The following CPNE5 variants were observed in gnomAD, a reference collection of about 807,000 sequenced individuals.
CPNE5 encodes copine-5.
CPNE5 carries 42 observed loss-of-function variants against 81.1 expected under a neutral mutation model. The ratio of observed to expected loss-of-function variants is 0.52; its 90% CI spans 0.40 to 0.67. CPNE5 has a LOEUF of 0.67. CPNE5 is among the 30% of genes least tolerant of loss of function. The probability of loss-of-function intolerance (pLI) is 0.00; values close to 1 mark genes in which losing one functional copy is unlikely to be tolerated. For missense variants in CPNE5, 612 were observed against 815.5 expected (o/e 0.75, Z 3.04); for synonymous variants, 313 against 321.5 (o/e 0.97, Z 0.28).
At chr6:36,762,729 A>G (rs1766169580) in intron 12 of CPNE5, among the ~76,000 whole-genome samples, 188 bp downstream of exon 12, 1 of 152,152 alleles carries the variant, frequency 6.6e-6, no homozygotes, top group Admixed American at 6.5e-5. Context: ...CCACTTACTG[A>G]ATGGTGGAAC....
At chr6:36,824,579 C>T (rs1455057816) in intron 1 of CPNE5, among the ~76,000 whole-genome samples, 2 of 152,230 alleles carry the variant, frequency 1.3e-5, no homozygotes, top group Non-Finnish European at 2.9e-5. Context: ...GGGGCCTCTG[C>T]CCCTTGAACT....
chr6:36,826,150 G>A (rs188025534), intron 1 of CPNE5, among the ~76,000 whole-genome samples: 31 of 152,272 alleles, frequency 2.0e-4, no homozygotes, highest in African/African-American at 7.2e-4. Flanking sequence ...GTGTGTTTGC[G>A]TGTGTGCATG....
At chr6:36,744,153 C>G in intron 19 of CPNE5, 115 bp downstream of exon 19, 1 of 888,888 alleles carries the variant, frequency 1.1e-6, no homozygotes. Context: ...GGAGCTCTCA[C>G]TCTTTTGGGA....
In CPNE5 at chr6:36,777,395, A is replaced by G. The variant is rs189792631; in HGVS notation, c.632+1459T>C. The stretch of plus-strand genomic sequence containing the variant: ...TCCTACACAGCGCTCTGCTAGAGCA[A>G]TCTTTCCCAAGCACCCTTTGCAGTG... On this transcript the variant is annotated intron_variant, in intron 9 of 20. Transcript: ENST00000244751. 3.2e-4 allele frequency among the ~76,000 whole-genome samples: 49 copies of G among 151,980 alleles called. No homozygotes were observed. In the East Asian group the frequency reaches 8.8e-3, roughly 27 times the overall value.
intron 10 of CPNE5, among the ~76,000 whole-genome samples, chr6:36,765,765 C>G (rs761692886): frequency 1.3e-5 from 2 of 151,724 alleles, no homozygotes; most frequent in Non-Finnish European, 2.9e-5. Context: ...GATCTCAGGC[C>G]CCGGCAGGGT....
rs3842097 is a variant in CPNE5, at chr6:36,822,164, C to CG, written c.137-5dup. 372,103 of 1,498,624 alleles carry CG rather than the reference C, an allele frequency of 0.25. 48,900 individuals carry two copies. Among genetic ancestry groups the CG allele is most frequent in the East Asian group, 0.27 (10,912 of 39,762 alleles). The allele number at this position is 1,498,624 out of a possible 1,614,324, so 92.8% of individuals were successfully genotyped here. A position where few individuals can be genotyped will look rare whatever the true frequency, so the allele number is the denominator to read the frequency against. On this transcript the variant is annotated splice_region_variant and splice_polypyrimidine_tract_variant and intron_variant, in intron 2 of 20. Coordinates refer to ENST00000244751, the MANE Select transcript of CPNE5 (RefSeq NM_020939.2). ...CCTTGGGTATACATGACGCACACTG[C>CG]GGGGGGAGGAGAAACAGTGGATTAA... is the stretch of plus-strand genomic sequence containing the variant.
At chr6:36,822,785 A>C (rs1468818524) in intron 2 of CPNE5, among the ~76,000 whole-genome samples, 1 of 152,152 alleles carries the variant, frequency 6.6e-6, no homozygotes. Flanking sequence ...TCTTAGGCCT[A>C]CTGGTTTCTC....
At chr6:36,822,539 G>A (rs983847852) in intron 2 of CPNE5, among the ~76,000 whole-genome samples, 3 of 152,180 alleles carry the variant, frequency 2.0e-5, no homozygotes, top group Non-Finnish European at 4.4e-5. Flanking sequence ...TGGGTGTGAT[G>A]GACGACAAGC....
chr6:36,742,168 C>G lies in CPNE5; in HGVS notation c.*100G>C. 1.1e-6 allele frequency: 1 copy of G among 900,686 alleles called. No individual in the cohort carries two copies. The highest frequency in any genetic ancestry group is 1.7e-5 in the African/African-American group (1 of 60,060). The allele number at this position is 900,686 out of a possible 1,614,324, so 55.8% of individuals were successfully genotyped here. On this transcript the variant is annotated 3_prime_UTR_variant, in exon 21 of 21. Coordinates refer to ENST00000244751, the MANE Select transcript of CPNE5 (RefSeq NM_020939.2). ...GGCAGCCTCCCAGGCACACAGATGT[C>G]CCAAAGGCCGGGCAGGCCAACTTCG...
In CPNE5 at chr6:36,753,008, A is replaced by G. The variant is rs200412552; in HGVS notation, c.971+26T>C. On this transcript the variant is annotated intron_variant, in intron 14 of 20. Transcript: ENST00000244751. Reference sequence around the variant, plus strand: ...GGCCCTTTCCCTCTCCCCAAGGCCCATGAAATTGGCTGTATCTCTTCTCAC... The same window carrying G: ...GGCCCTTTCCCTCTCCCCAAGGCCCGTGAAATTGGCTGTATCTCTTCTCAC... The G allele has an allele frequency of 8.8e-4, 1,396 of 1,594,016 alleles. 5 individuals are homozygous for G. The highest frequency in any genetic ancestry group is 3.6e-3 in the Middle Eastern group (21 of 5,812).
intron 3 of CPNE5, among the ~76,000 whole-genome samples, chr6:36,817,391 G>T (rs1446158284): frequency 6.6e-6 from 1 of 152,154 alleles, no homozygotes; most frequent in Non-Finnish European, 1.5e-5. Flanking sequence ...ACGTGGCTGA[G>T]CTCTGCCATC....
chr6:36,819,761 ACC>A (rs1446221151), intron 3 of CPNE5, among the ~76,000 whole-genome samples: 5 of 151,330 alleles, frequency 3.3e-5, no homozygotes, highest in African/African-American at 1.2e-4. Context: ...GCTGCCTCCT[ACC>A]CCTCTCTTAG....
chr6:36,831,996 G>T (rs759177620), intron 1 of CPNE5, among the ~76,000 whole-genome samples: 12 of 152,220 alleles, frequency 7.9e-5, no homozygotes, highest in Non-Finnish European at 1.2e-4. Context: ...CTGTCCTGTT[G>T]TTACTATGAG....
intron 18 of CPNE5, 67 bp downstream of exon 18, chr6:36,744,981 A>G: frequency 8.9e-7 from 1 of 1,119,528 alleles, no homozygotes; most frequent in Admixed American, 1.8e-5. Flanking sequence ...GCACATCCCC[A>G]GGGTTCCCCT....
intron 3 of CPNE5, among the ~76,000 whole-genome samples, chr6:36,803,272 T>C (rs1561802494): frequency 6.6e-6 from 1 of 152,202 alleles, no homozygotes; most frequent in African/African-American, 2.4e-5. Flanking sequence ...GCCCCCAGTA[T>C]GTGCCAATTC....
chr6:36,748,649 A>G (rs1041838486), intron 14 of CPNE5, among the ~76,000 whole-genome samples: 9 of 152,176 alleles, frequency 5.9e-5, no homozygotes, highest in Admixed American at 1.3e-4. Context: ...ACGAAAACTC[A>G]TTTGACAAAA....
At chr6:36,828,047 C>G (rs1772657270) in intron 1 of CPNE5, among the ~76,000 whole-genome samples, 1 of 151,870 alleles carries the variant, frequency 6.6e-6, no homozygotes, top group African/African-American at 2.4e-5. Context: ...AATGGTCATT[C>G]ATTGGGCTGT....
intron 12 of CPNE5, among the ~76,000 whole-genome samples, chr6:36,756,753 G>A (rs1249898347): frequency 6.6e-6 from 1 of 152,110 alleles, no homozygotes; most frequent in Non-Finnish European, 1.5e-5. Flanking sequence ...GCTGCCCAGG[G>A]CCTCTGAGGC....
intron 12 of CPNE5, among the ~76,000 whole-genome samples, chr6:36,756,714 C>T (rs1315599571): frequency 6.6e-6 from 1 of 152,216 alleles, no homozygotes; most frequent in African/African-American, 2.4e-5. Context: ...CCAATCTCCC[C>T]TGTTCCTCCT....
Sources: allele counts gnomAD v4.1 joint callset (sites outside exome capture counted in the v4.1 genomes callset), GRCh38; gene constraint gnomAD v4.1.1; transcripts MANE v1.5; gene names NCBI Gene and HGNC (gene_info 2026-07-23, HGNC 2026-07-21).